Variants in ATF7IP2 observed in about 807,000 individuals in gnomAD.
The protein encoded by ATF7IP2 is activating transcription factor 7-interacting protein 2.
A neutral mutation model predicts 64.2 loss-of-function variants in ATF7IP2; 42 were observed. That is an observed-to-expected ratio of 0.65 (90% CI 0.51 to 0.85). ATF7IP2 has a LOEUF of 0.85. Ranked by LOEUF, ATF7IP2 falls within the 40% of genes least tolerant of loss-of-function variation. The pLI, the probability that ATF7IP2 is intolerant of heterozygous loss-of-function variation, is 0.00. For missense variants in ATF7IP2, 933 were observed against 784.2 expected, an observed-to-expected ratio of 1.19 and a Z score of -2.27; for synonymous variants, 308 against 272.8, an observed-to-expected ratio of 1.13 and a Z score of -1.27.
intron 8 of ATF7IP2, among the ~76,000 whole-genome samples, chr16:10,441,579 G>A (rs771355395): frequency 1.2e-4 from 19 of 152,090 alleles, no homozygotes; most frequent in Non-Finnish European, 2.6e-4. Flanking sequence ...CATATCCTTC[G>A]CCCGCTTTTT....
At chr16:10,421,465 T>C (rs2047987467) in intron 3 of ATF7IP2, among the ~76,000 whole-genome samples, 1 of 152,230 alleles carries the variant, frequency 6.6e-6, no homozygotes, top group African/African-American at 2.4e-5. Context: ...TAGGAATGCC[T>C]ACAGCAGGTT....
intron 3 of ATF7IP2, among the ~76,000 whole-genome samples, chr16:10,421,481 C>T (rs968347023): frequency 2.0e-5 from 3 of 152,092 alleles, no homozygotes; most frequent in Admixed American, 6.5e-5. Context: ...AGGTTGTATC[C>T]AATTTATGTC....
intron 1 of ATF7IP2, among the ~76,000 whole-genome samples, chr16:10,400,715 C>G (rs2141769711): frequency 6.6e-6 from 1 of 152,310 alleles, no homozygotes; most frequent in Non-Finnish European, 1.5e-5. Flanking sequence ...CAGAGTCTTG[C>G]TCTGTTGCCA....
intron 9 of ATF7IP2, among the ~76,000 whole-genome samples, chr16:10,464,464 C>G (rs2049486865): frequency 6.6e-6 from 1 of 152,076 alleles, no homozygotes; most frequent in Admixed American, 6.5e-5. Context: ...TTTTTAAAAT[C>G]AGGAGGAAAT....
intron 12 of ATF7IP2, among the ~76,000 whole-genome samples, chr16:10,478,381 T>G (rs933078848): frequency 9.9e-5 from 15 of 152,016 alleles, no homozygotes; most frequent in Admixed American, 6.6e-4. Context: ...TTTGACAAAC[T>G]TGAGAAACAC....
intron 6 of ATF7IP2, among the ~76,000 whole-genome samples, chr16:10,434,690 G>C (rs895643410): frequency 1.3e-5 from 2 of 152,168 alleles, no homozygotes; most frequent in African/African-American, 4.8e-5. Flanking sequence ...GTAGAAGTAT[G>C]GTAAGCATGG....
chr16:10,422,983 G>A (rs530570018), intron 3 of ATF7IP2, among the ~76,000 whole-genome samples: 138 of 152,282 alleles, frequency 9.1e-4, no homozygotes, highest in East Asian at 3.1e-3. Flanking sequence ...AGTGGCTCAC[G>A]CCTGTAATCC....
chr16:10,423,580 T>G (rs2048028475), intron 3 of ATF7IP2, among the ~76,000 whole-genome samples: 1 of 152,048 alleles, frequency 6.6e-6, no homozygotes, highest in Admixed American at 6.6e-5. Context: ...GGGCATCTAC[T>G]TTTCACCCAC....
At chr16:10,475,443 G>A (rs922166909) in intron 12 of ATF7IP2, among the ~76,000 whole-genome samples, 3 of 152,114 alleles carry the variant, frequency 2.0e-5, no homozygotes, top group African/African-American at 7.2e-5. Context: ...TGTAATCCCA[G>A]CACTTTGGGA....
chr16:10,461,066 G>A (rs1331930580), intron 9 of ATF7IP2, among the ~76,000 whole-genome samples: 9 of 152,080 alleles, frequency 5.9e-5, no homozygotes, highest in African/African-American at 9.7e-5. Flanking sequence ...AGAGGAGTTC[G>A]AAATGGCCAA....
intron 1 of ATF7IP2, among the ~76,000 whole-genome samples, chr16:10,400,167 A>G (rs1393355202): frequency 6.6e-6 from 1 of 152,126 alleles, no homozygotes. Flanking sequence ...CAGCCTCCCA[A>G]GTAGCTGGGA....
Position 10,440,434 on chromosome 16 carries a change from A to T in ATF7IP2, c.1166A>T (p.Asn389Ile). Reference protein sequence around the residue: ...LLFQRNCLKPNMLSSNGASKV... With the variant: ...LLFQRNCLKPIMLSSNGASKV... ...TTTCAAAGGAATTGTTTGAAACCAA[A>T]CATGTTATCCAGTAATGGAGCCTCT... The change falls in exon 8 of 14, where the codon AAC becomes ATC. Residue 389 changes from asparagine to isoleucine, a missense_variant. Transcript: ENST00000562102. 6.4e-7 allele frequency: 1 copy of T among 1,561,140 alleles called. No individual in the cohort carries two copies. The highest frequency in any genetic ancestry group is 1.2e-5 in the South Asian group (1 of 83,398).
chr16:10,431,022 A>G lies in ATF7IP2; in HGVS notation c.402A>G (p.Ala134=), dbSNP rs980170212. Residue 134 remains alanine, a synonymous_variant, in exon 5 of 14, where the codon GCA becomes GCG. Coordinates refer to ENST00000562102, the MANE Select transcript of ATF7IP2 (RefSeq NM_001393719.1). The part of the protein sequence containing the change: ...ESPSRVFTEE[A]KDSLNTSEND... ...CCAGCAGAGTCTTCACAGAAGAGGC[A>G]AAAGATTCACTGAACACTTCTGAAA... 3 of 1,614,100 alleles carry G rather than the reference A, an allele frequency of 1.9e-6. No individual in the cohort carries two copies. Among genetic ancestry groups the G allele is most frequent in the Non-Finnish European group, 2.5e-6 (3 of 1,180,052 alleles).
chr16:10,473,355 T>C, intron 10 of ATF7IP2, 124 bp from the exon 11 acceptor site: 2 of 612,482 alleles, frequency 3.3e-6, no homozygotes, highest in Non-Finnish European at 5.8e-6. Context: ...GTCAATTGAG[T>C]TACTTTTTAT....
chr16:10,457,619 A>G (rs539713449), intron 9 of ATF7IP2, 90 bp downstream of exon 9: 6 of 967,616 alleles, frequency 6.2e-6, no homozygotes, highest in Non-Finnish European at 9.0e-6. Context: ...TGTAATATTG[A>G]TTATTCTTAA....
chr16:10,458,008 G>A (rs1447756913), intron 9 of ATF7IP2, among the ~76,000 whole-genome samples: 1 of 152,166 alleles, frequency 6.6e-6, no homozygotes, highest in Non-Finnish European at 1.5e-5. Flanking sequence ...CACTGCGCCT[G>A]GCCCTATACT....
chr16:10,393,170 C>G (rs1194766521), intron 1 of ATF7IP2, among the ~76,000 whole-genome samples: 1 of 151,776 alleles, frequency 6.6e-6, no homozygotes, highest in Non-Finnish European at 1.5e-5. Flanking sequence ...ATTAGCTGGG[C>G]ATGGTGGTGG....
chr16:10,448,315 A>C (rs2048877307), intron 8 of ATF7IP2: 1 of 152,200 alleles, frequency 6.6e-6, no homozygotes, highest in South Asian at 2.1e-4. Flanking sequence ...GAAGAAAGTC[A>C]ATGGTAGCTT....
chr16:10,410,308 C>T (rs950114107), intron 1 of ATF7IP2, among the ~76,000 whole-genome samples: 2 of 148,374 alleles, frequency 1.3e-5, no homozygotes, highest in Middle Eastern at 7.1e-3. Context: ...AGGTATATTC[C>T]TAAGTTTTGT....
Sources: gnomAD v4.1 joint callset for allele counts (sites outside exome capture counted in the v4.1 genomes callset) on GRCh38, gnomAD v4.1.1 for gene constraint, MANE v1.5 for transcripts, NCBI Gene and HGNC (gene_info 2026-07-23, HGNC 2026-07-21) for gene names.